KCNJ13: variants seen among roughly 807,000 people sequenced by gnomAD.
KCNJ13 encodes the protein potassium inwardly rectifying channel subfamily J member 13, also known as inward rectifier potassium channel 13.
In KCNJ13, 9 loss-of-function variants were observed where a neutral mutation model predicts 24.6. The observed-to-expected ratio is 0.37, with a 90% confidence interval of 0.22 to 0.64. KCNJ13 has a LOEUF of 0.64. Among genes scored for constraint, KCNJ13 ranks in the 30% least tolerant of loss-of-function variants. The pLI is 0.64. For missense variants in KCNJ13, 337 were observed against 443.8 expected, an observed-to-expected ratio of 0.76 and a Z score of 2.16; for synonymous variants, 148 against 154.7, an observed-to-expected ratio of 0.96 and a Z score of 0.32.
chr2:232,775,414 C>G (rs533504057), intron 1 of KCNJ13, among the ~76,000 whole-genome samples: 2 of 152,290 alleles, frequency 1.3e-5, no homozygotes, highest in Admixed American at 6.5e-5. Flanking sequence ...CATATTTCCA[C>G]TTCCTACAAA....
chr2:232,776,353 G>T, intron 1 of KCNJ13, 92 bp downstream of exon 1: 2 of 870,152 alleles, frequency 2.3e-6, no homozygotes, highest in South Asian at 3.0e-5. Context: ...AAAATCTGTT[G>T]GAAGTAATCT....
Position 232,771,367 on chromosome 2 carries a change from G to A in KCNJ13, c.-5C>T. The A allele has an allele frequency of 6.2e-7, 1 of 1,600,272 alleles. No homozygotes were observed. The highest frequency in any genetic ancestry group is 1.1e-5 in the South Asian group (1 of 90,578). On this transcript the variant is annotated 5_prime_UTR_variant, in exon 2 of 3. Coordinates refer to ENST00000233826, the MANE Select transcript of KCNJ13 (RefSeq NM_002242.4). ...TTTGCAATTACTGCTGTCCATCTCA[G>A]GCTGTATTTCTCTAAAATCAAGAGT...
intron 1 of KCNJ13, among the ~76,000 whole-genome samples, chr2:232,772,925 A>G (rs1458981476): frequency 1.3e-5 from 2 of 151,984 alleles, no homozygotes; most frequent in African/African-American, 2.4e-5. Flanking sequence ...TTGGAATTGG[A>G]TATTGGCCAC....
intron 1 of KCNJ13, among the ~76,000 whole-genome samples, chr2:232,776,121 A>G (rs1285882869): frequency 6.6e-6 from 1 of 152,158 alleles, no homozygotes; most frequent in Admixed American, 6.5e-5. Flanking sequence ...ATTCCTTCCA[A>G]AAGAAAAAGA....
chr2:232,768,376 C>G lies in KCNJ13; in HGVS notation c.898G>C (p.Ala300Pro), dbSNP rs377146231. ...PSEIMLHHCF[A>P]SLLTRGSKGE... is the part of the protein sequence containing the mutation. Reference sequence around the variant, plus strand: ...TTGGAACCTCGGGTCAACAGAGATGCAAAACAGTGATGTAACATGATTTCA... The same window carrying G: ...TTGGAACCTCGGGTCAACAGAGATGGAAAACAGTGATGTAACATGATTTCA... Residue 300 changes from alanine (A) to proline (P), a missense_variant, in exon 3 of 3, where the codon GCA becomes CCA. Transcript: ENST00000233826. 3 of 1,614,114 alleles carry G rather than the reference C, an allele frequency of 1.9e-6. No individual in the cohort carries two copies. Among genetic ancestry groups the G allele is most frequent in the Middle Eastern group, 1.6e-4 (1 of 6,062 alleles).
At position 232,768,070 on chromosome 2, in the gene KCNJ13, T is replaced by C. The variant is rs147795007; in HGVS notation, c.*121A>G. The C allele has an allele frequency of 2.9e-4, 276 of 941,560 alleles. No individual in the cohort carries two copies. The highest frequency in any genetic ancestry group is 2.8e-3 in the African/African-American group (171 of 61,104). The allele number at this position is 941,560 out of a possible 1,614,324, so 58.3% of individuals were successfully genotyped here. A position where few individuals can be genotyped will look rare whatever the true frequency, so the allele number is the denominator to read the frequency against. ...AGCCATTCTTATGTAGGCATAGGCATGATTACCGTGATGTAGAGAGCTATA... is the reference window on the plus strand; with the variant it reads ...AGCCATTCTTATGTAGGCATAGGCACGATTACCGTGATGTAGAGAGCTATA... On this transcript the variant is annotated 3_prime_UTR_variant, in exon 3 of 3. Coordinates refer to ENST00000233826, the MANE Select transcript of KCNJ13 (RefSeq NM_002242.4).
chr2:232,771,329 G>A lies in KCNJ13; in HGVS notation c.34C>T (p.Leu12Phe). The stretch of plus-strand genomic sequence containing the variant: ...ATCCTCCGGTATCTTTGACTTAGGA[G>A]AGGAGCAATAACTTTGCAATTACTG... ...DSSNCKVIAPLLSQRYRRMVT... is the reference protein window; with the variant it reads ...DSSNCKVIAPFLSQRYRRMVT... The change falls in exon 2 of 3, where the codon CTC (leucine) becomes TTC (phenylalanine). Residue 12 changes from leucine (L) to phenylalanine (F), a missense_variant. Transcript: ENST00000233826. The A allele has an allele frequency of 6.2e-7, 1 of 1,612,874 alleles. No homozygotes were observed.
intron 1 of KCNJ13, among the ~76,000 whole-genome samples, chr2:232,771,800 A>G (rs1213573586): frequency 3.3e-5 from 5 of 152,198 alleles, no homozygotes; most frequent in Admixed American, 6.5e-5. Flanking sequence ...TAAAAGGGGT[A>G]TGTTTAAATA....
At position 232,768,578 on chromosome 2, in the gene KCNJ13, G is replaced by A. The variant is rs374463684; in HGVS notation, c.696C>T (p.Asp232=). ...GTGGAAAGATGAAGAATGGACATTC[G>A]TCAGAACTGATGCCATCAAGGTGGA... ...VDFHLDGISS[D]ECPFFIFPLT... is the part of the protein sequence containing the mutation. Residue 232 remains aspartate (D), a synonymous_variant, in exon 3 of 3, where the codon GAC becomes GAT. Transcript: ENST00000233826. 1.1e-5 allele frequency: 17 copies of A among 1,614,008 alleles called. No individual in the cohort carries two copies. Among genetic ancestry groups the A allele is most frequent in the East Asian group, 2.2e-5 (1 of 44,890 alleles).
At chr2:232,773,925 A>C (rs1380315052) in intron 1 of KCNJ13, among the ~76,000 whole-genome samples, 1 of 150,626 alleles carries the variant, frequency 6.6e-6, no homozygotes, top group African/African-American at 2.4e-5. Context: ...AAAAAAAAAA[A>C]AAAAAAAAGG....
chr2:232,776,410 A>C (rs1559423269), intron 1 of KCNJ13, 35 bp downstream of exon 1: 4 of 1,570,668 alleles, frequency 2.5e-6, no homozygotes, highest in Non-Finnish European at 3.5e-6. Context: ...GTTTCCCATA[A>C]GGAAAGAAGA....
intron 2 of KCNJ13, among the ~76,000 whole-genome samples, chr2:232,769,453 C>T (rs1313692986): frequency 6.8e-6 from 1 of 147,608 alleles, no homozygotes; most frequent in Admixed American, 6.9e-5. Context: ...TTGCAGTGAG[C>T]CAAGTTTGTA....
chr2:232,768,082 T>C lies in KCNJ13; in HGVS notation c.*109A>G. ...GTAGGCATAGGCATGATTACCGTGA[T>C]GTAGAGAGCTATAATTAGCATTGAA... is the stretch of plus-strand genomic sequence containing the variant. On this transcript the variant is annotated 3_prime_UTR_variant, in exon 3 of 3. Transcript: ENST00000233826. The C allele has an allele frequency of 9.5e-7, 1 of 1,055,024 alleles. No individual in the cohort carries two copies. The highest frequency in any genetic ancestry group is 1.4e-6 in the Non-Finnish European group (1 of 690,102). 65.4% of individuals were successfully genotyped at this position (1,055,024 alleles called of 1,614,324 possible).
rs1698962684 is a variant in KCNJ13, at chr2:232,766,343, A to G, written c.*1848T>C. ...TATAATATGAAACTCATCTGACTTA[A>G]ATGGAACCTTAGATCTCAGGTTTTA... On this transcript the variant is annotated 3_prime_UTR_variant, in exon 3 of 3. Coordinates refer to ENST00000233826, the MANE Select transcript of KCNJ13 (RefSeq NM_002242.4). 1 of 186,674 alleles carries G rather than the reference A, an allele frequency of 5.4e-6. No homozygotes were observed. Among genetic ancestry groups the G allele is most frequent in the South Asian group, 9.9e-5 (1 of 10,126 alleles). The allele number at this position is 186,674 out of a possible 1,614,324, so 11.6% of individuals were successfully genotyped here.
chr2:232,772,338 G>T (rs1022396413), intron 1 of KCNJ13, among the ~76,000 whole-genome samples: 1 of 152,246 alleles, frequency 6.6e-6, no homozygotes, highest in Admixed American at 6.5e-5. Flanking sequence ...GATTAGATTG[G>T]GGGGTAGAAA....
At chr2:232,774,706 T>A (rs1699438854) in intron 1 of KCNJ13, among the ~76,000 whole-genome samples, 1 of 152,214 alleles carries the variant, frequency 6.6e-6, no homozygotes, top group Non-Finnish European at 1.5e-5. Flanking sequence ...CTCATGCTCC[T>A]GGACACTAGT....
intron 2 of KCNJ13, among the ~76,000 whole-genome samples, chr2:232,770,602 T>C (rs1699197628): frequency 9.8e-6 from 1 of 102,324 alleles, no homozygotes; most frequent in African/African-American, 3.3e-5. Flanking sequence ...TTTAAACCTT[T>C]TGTTAATTTT....
Position 232,767,769 on chromosome 2 carries a change from A to G in KCNJ13, c.*422T>C. On this transcript the variant is annotated 3_prime_UTR_variant, in exon 3 of 3. Transcript: ENST00000233826. ...TAAAGGATATTCACTAAGTATAGTG[A>G]AGTCGTCATTCCACCCAGGGAGCTA... is the stretch of plus-strand genomic sequence containing the variant. 1 of 223,652 alleles carries G rather than the reference A, an allele frequency of 4.5e-6. No homozygotes were observed. The highest frequency in any genetic ancestry group is 9.0e-6 in the Non-Finnish European group (1 of 111,654). The allele number at this position is 223,652 out of a possible 1,614,324, so 13.9% of individuals were successfully genotyped here. A position where few individuals can be genotyped will look rare whatever the true frequency, so the allele number is the denominator to read the frequency against.
chr2:232,775,623 T>G (rs1332396426), intron 1 of KCNJ13, among the ~76,000 whole-genome samples: 2 of 152,122 alleles, frequency 1.3e-5, no homozygotes, highest in African/African-American at 4.8e-5. Flanking sequence ...TATAAATTAT[T>G]TGGAGGAAAA....
Sources: allele counts gnomAD v4.1 joint callset (sites outside exome capture counted in the v4.1 genomes callset), GRCh38; gene constraint gnomAD v4.1.1; transcripts MANE v1.5; gene names NCBI Gene and HGNC (gene_info 2026-07-23, HGNC 2026-07-21).